The following FBXO3 variants were observed in gnomAD, a reference collection of about 807,000 sequenced individuals.
FBXO3 encodes F-box only protein 3.
FBXO3 carries 17 observed loss-of-function variants against 64.8 expected under a neutral mutation model. The observed-to-expected ratio is 0.26, with a 90% CI of 0.18 to 0.39. The LOEUF (loss-of-function observed/expected upper bound fraction) is 0.39. Ranked by LOEUF, FBXO3 falls within the 10% of genes least tolerant of loss-of-function variation. The pLI is 1.00. For synonymous variants in FBXO3, 182 were observed against 201.6 expected (o/e 0.90, Z 0.82); for missense variants, 420 against 589.9 (o/e 0.71, Z 2.98).
At chr11:33,768,797 C>T in intron 3 of FBXO3, 54 bp downstream of exon 3, 1 of 1,595,884 alleles carries the variant, frequency 6.3e-7, no homozygotes, top group Non-Finnish European at 8.6e-7. Context: ...TTAAACTAAC[C>T]TATTTATACT....
chr11:33,742,119 C>G (rs745819995), intron 10 of FBXO3, 35 bp from the exon 11 acceptor site: 31 of 1,477,546 alleles, frequency 2.1e-5, no homozygotes, highest in Non-Finnish European at 2.6e-5. Context: ...ATAAGAAGAG[C>G]ATCTATCAGT....
rs1855442095 is a variant in FBXO3, at chr11:33,768,951, T to C, written c.258A>G (p.Val86=). ...CAGCATAATGGTCAATGTATCTTCC[T>C]ACATCAGAGTAAGTATCTATGAAGA... ...KSLFIDTYSD[V]GRYIDHYAAI... is the part of the protein sequence containing the mutation. Residue 86 remains valine (V), a synonymous_variant, in exon 3 of 11, where the codon GTA becomes GTG. Transcript: ENST00000265651. 3 of 1,613,932 alleles carry C rather than the reference T, an allele frequency of 1.9e-6. No homozygotes were observed. Among genetic ancestry groups the C allele is most frequent in the South Asian group, 1.1e-5 (1 of 91,074 alleles).
Position 33,751,571 on chromosome 11 carries a change from T to C in FBXO3, c.761A>G (p.Lys254Arg), listed in dbSNP as rs770188614. Residue 254 changes from lysine to arginine, a missense_variant, in exon 7 of 11, where the codon AAA becomes AGA. This residue lies in a region of FBXO3 where 337 missense variants were observed against 518.4 expected (regional missense o/e 0.65). Transcript: ENST00000265651. Reference protein sequence around the residue: ...TFTDWFTSYVKNVVSGGFPII... With the variant: ...TFTDWFTSYVRNVVSGGFPII... ...GGGGAAGCCACCTGATACAACATTT[T>C]TGACATAAGAGGTAAACCAGTCAGT... 4 of 1,608,688 alleles carry C rather than the reference T, an allele frequency of 2.5e-6. No homozygotes were observed. In the Admixed American group the frequency reaches 6.8e-5, roughly 27 times the overall value.
intron 3 of FBXO3, among the ~76,000 whole-genome samples, chr11:33,766,956 C>T (rs1855385793): frequency 7.3e-6 from 1 of 136,102 alleles, no homozygotes; most frequent in Non-Finnish European, 1.5e-5. Context: ...CTAGGTAGTA[C>T]AGGGAGCCTG....
At chr11:33,759,888 A>G (rs938867997) in intron 3 of FBXO3, among the ~76,000 whole-genome samples, 2 of 152,250 alleles carry the variant, frequency 1.3e-5, no homozygotes. Context: ...TAGAGCTGAA[A>G]AATGCAAAAA....
intron 7 of FBXO3, among the ~76,000 whole-genome samples, chr11:33,751,215 T>G (rs1427224134): frequency 6.6e-6 from 1 of 152,196 alleles, no homozygotes; most frequent in African/African-American, 2.4e-5. Context: ...AATCTATCAG[T>G]TGCCAAATAA....
At chr11:33,762,671 AT>A (rs1363265948) in intron 3 of FBXO3, among the ~76,000 whole-genome samples, 1 of 151,810 alleles carries the variant, frequency 6.6e-6, no homozygotes, top group African/African-American at 2.4e-5. Context: ...CTCTAAATTC[AT>A]TTAAAAAAAT....
intron 3 of FBXO3, among the ~76,000 whole-genome samples, chr11:33,759,673 AAAC>A (rs1003974777): frequency 5.3e-5 from 8 of 152,364 alleles, no homozygotes; most frequent in African/African-American, 1.9e-4. Context: ...AATAAATTAA[AAAC>A]AACTAGGCCT....
At position 33,770,794 on chromosome 11, in the gene FBXO3, T is replaced by C; in HGVS notation, c.141A>G (p.Ser47=). 6.2e-7 allele frequency: 1 copy of C among 1,610,990 alleles called. No individual in the cohort carries two copies. Among genetic ancestry groups the C allele is most frequent in the Non-Finnish European group, 8.5e-7 (1 of 1,177,728 alleles). ...GTCTTCTCCACAGCGGATCATGACT[T>C]GATAGCTGGCTAAGTCTTCGACTGA... ...CYVSRRLSQL[S]SHDPLWRRHC... Residue 47 remains serine, a synonymous_variant, in exon 2 of 11, where the codon TCA becomes TCG. Transcript: ENST00000265651.
intron 6 of FBXO3, chr11:33,753,709 C>T (rs1855021360): frequency 6.6e-6 from 1 of 152,158 alleles, no homozygotes; most frequent in African/African-American, 2.4e-5. Flanking sequence ...ATACATTGTT[C>T]AAAGTTCCAA....
At chr11:33,746,728 C>A (rs1854821394) in intron 10 of FBXO3, 1 of 1,418,650 alleles carries the variant, frequency 7.0e-7, no homozygotes, top group Non-Finnish European at 9.3e-7. Context: ...CAAAAGTACA[C>A]ATCCACACAT....
chr11:33,761,717 A>G (rs1248777161), intron 3 of FBXO3, among the ~76,000 whole-genome samples: 2 of 152,212 alleles, frequency 1.3e-5, no homozygotes, highest in Non-Finnish European at 2.9e-5. Context: ...TATGGCATCA[A>G]CTGGGGCTGC....
chr11:33,757,781 AC>A (rs1252645175), intron 4 of FBXO3, among the ~76,000 whole-genome samples: 1 of 151,180 alleles, frequency 6.6e-6, no homozygotes, highest in Non-Finnish European at 1.5e-5. Context: ...ACATGACAAG[AC>A]CCCATCTCTA....
chr11:33,754,395 A>AT (rs1855038051), intron 6 of FBXO3, 60 bp downstream of exon 6: 7 of 1,433,532 alleles, frequency 4.9e-6, no homozygotes, highest in South Asian at 2.8e-5. Context: ...TACCATTTTA[A>AT]TTTTTTTATT....
At chr11:33,759,079 T>C (rs1434032808) in intron 3 of FBXO3, among the ~76,000 whole-genome samples, 1 of 152,206 alleles carries the variant, frequency 6.6e-6, no homozygotes, top group Non-Finnish European at 1.5e-5. Context: ...ATTTGTAAAC[T>C]TGCCACATAT....
intron 9 of FBXO3, 22 bp downstream of exon 9, chr11:33,748,755 A>G (rs1854879052): frequency 6.8e-7 from 1 of 1,465,470 alleles, no homozygotes. Flanking sequence ...TAATGTATAA[A>G]CCTAAATCTT....
intron 10 of FBXO3, chr11:33,744,984 C>G (rs974514935): frequency 6.6e-6 from 1 of 152,074 alleles, no homozygotes; most frequent in Non-Finnish European, 1.5e-5. Context: ...CCCACCCTAA[C>G]AAACATTAAA....
chr11:33,767,490 G>A (rs549288127), intron 3 of FBXO3: 56 of 152,614 alleles, frequency 3.7e-4, no homozygotes, highest in Middle Eastern at 6.8e-3. Flanking sequence ...TAGTAGAGAC[G>A]AGGTTTCACT....
Position 33,754,037 on chromosome 11 carries a change from C to T in FBXO3, c.724+418G>A, listed in dbSNP as rs189223211. On this transcript the variant is annotated intron_variant, in intron 6 of 10. Coordinates refer to ENST00000265651, the MANE Select transcript of FBXO3 (RefSeq NM_012175.4). ...GTCCCTAAAGACTTGCTTTGGAGGT[C>T]TCTAATGTGACTTAGTATCTTAATG... The T allele has an allele frequency of 1.2e-3, 193 of 154,700 alleles. 1 individual carries two copies. The highest frequency in any genetic ancestry group is 4.3e-3 in the African/African-American group (179 of 41,660). 9.6% of individuals were successfully genotyped at this position (154,700 alleles called of 1,614,324 possible).
Sources: allele counts gnomAD v4.1 joint callset (sites outside exome capture counted in the v4.1 genomes callset), GRCh38; gene constraint gnomAD v4.1.1; regional missense constraint gnomAD v4.1.1; transcripts MANE v1.5; gene names NCBI Gene and HGNC (gene_info 2026-07-23, HGNC 2026-07-21).